The following SLC24A2 variants were observed in gnomAD, a reference collection of about 807,000 sequenced individuals.
SLC24A2 encodes solute carrier family 24 member 2.
Under a neutral mutation model 62.0 loss-of-function variants are expected in SLC24A2, and 36 were observed. That is an observed-to-expected ratio of 0.58 (90% CI 0.44 to 0.77). The LOEUF is 0.77. SLC24A2 is among the 30% of genes least tolerant of loss of function. SLC24A2 has a pLI of 0.00. For synonymous variants in SLC24A2, 358 were observed against 294.0 expected (o/e 1.22, Z -2.23); for missense variants, 846 against 817.9 (o/e 1.03, Z -0.42).
the SLC24A2 span, among the ~76,000 whole-genome samples, chr9:20,267,999 G>A: frequency 2.1e-3 from 321 of 152,148 alleles, 1 homozygote; most frequent in Middle Eastern, 3.4e-3. Flanking sequence ...TTCCTCCACC[G>A]TGATGTTTCA....
At chr9:20,114,800 C>G in the SLC24A2 span, among the ~76,000 whole-genome samples, 1 of 152,098 alleles carries the variant, frequency 6.6e-6, no homozygotes, top group Middle Eastern at 3.2e-3. Flanking sequence ...TCCAAAACAC[C>G]CTCTGGCCAG....
the SLC24A2 span, among the ~76,000 whole-genome samples, chr9:20,081,306 T>C: frequency 6.6e-6 from 1 of 151,816 alleles, no homozygotes; most frequent in Admixed American, 6.6e-5. Context: ...CCATAAAAAA[T>C]GATGAGTTCA....
the SLC24A2 span, among the ~76,000 whole-genome samples, chr9:20,066,076 A>T: frequency 3.9e-5 from 6 of 152,316 alleles, no homozygotes; most frequent in East Asian, 9.6e-4. Flanking sequence ...GTAAGATCTT[A>T]GGGAAGAAAC....
chr9:20,102,290 C>T, the SLC24A2 span, among the ~76,000 whole-genome samples: 1 of 151,704 alleles, frequency 6.6e-6, no homozygotes, highest in Non-Finnish European at 1.5e-5. Flanking sequence ...CACATATACA[C>T]CACAGAATAC....
Position 19,789,000 on chromosome 9 carries a change from G to A in SLC24A2, c.-269C>T. 2.1e-6 allele frequency: 2 copies of A among 951,420 alleles called. No individual in the cohort carries two copies. The highest frequency in any genetic ancestry group is 2.5e-6 in the Non-Finnish European group (2 of 798,888). The allele number at this position is 951,420 out of a possible 1,614,324, so 58.9% of individuals were successfully genotyped here. A position where few individuals can be genotyped will look rare whatever the true frequency, so the allele number is the denominator to read the frequency against. ...GCCCGGGCTCTGGCTCGCACTGGCT[G>A]CCGCTCTCGCCAGCCGGGCTGGGTT... On this transcript the variant is annotated 5_prime_UTR_variant, in exon 1 of 11. Coordinates refer to ENST00000341998, the MANE Select transcript of SLC24A2 (RefSeq NM_020344.4).
the SLC24A2 span, among the ~76,000 whole-genome samples, chr9:19,850,963 ATATG>A: frequency 6.1e-4 from 14 of 23,000 alleles, no homozygotes; most frequent in African/African-American, 1.7e-3. Flanking sequence ...ATATATATAT[ATATG>A]TATATATATA....
the SLC24A2 span, chr9:19,957,375 C>G: frequency 6.6e-6 from 1 of 152,344 alleles, no homozygotes; most frequent in African/African-American, 2.4e-5. Flanking sequence ...GCTCTAGAAT[C>G]CAGCAGGTTC....
the SLC24A2 span, among the ~76,000 whole-genome samples, chr9:20,237,122 G>T: frequency 6.6e-6 from 1 of 152,162 alleles, no homozygotes; most frequent in Non-Finnish European, 1.5e-5. Context: ...GTTACTCCTT[G>T]GCTATCTTCT....
At chr9:20,024,661 A>C in the SLC24A2 span, among the ~76,000 whole-genome samples, 1 of 152,224 alleles carries the variant, frequency 6.6e-6, no homozygotes, top group Non-Finnish European at 1.5e-5. Context: ...AGAGTATGAA[A>C]ATACGTGTGT....
At chr9:19,566,517 C>G (rs368883369) in intron 7 of SLC24A2, among the ~76,000 whole-genome samples, 10 of 151,580 alleles carry the variant, frequency 6.6e-5, no homozygotes, top group African/African-American at 1.9e-4. Flanking sequence ...GTTGGTGGGA[C>G]TGTAAACTAG....
At chr9:19,573,505 CACACACACACACACACACACACACAG>C (rs751752949) in intron 6 of SLC24A2, 36 bp from the exon 7 acceptor site, 3,457 of 29,936 alleles carry the variant, frequency 0.12, 27 homozygotes, top group East Asian at 0.17. Flanking sequence ...CACACACACA[CACACACACACACACACACACACACAG>C]AGAGAGAGAG....
At chr9:20,027,900 A>G in the SLC24A2 span, among the ~76,000 whole-genome samples, 1 of 152,154 alleles carries the variant, frequency 6.6e-6, no homozygotes, top group Non-Finnish European at 1.5e-5. Context: ...TGATAAAAAC[A>G]TACAATGTCA....
chr9:19,586,733 A>G (rs1252720316), intron 5 of SLC24A2, among the ~76,000 whole-genome samples: 1 of 152,154 alleles, frequency 6.6e-6, no homozygotes, highest in Admixed American at 6.6e-5. Flanking sequence ...CGTTTCTGAC[A>G]GTGCTTGAGA....
chr9:20,229,523 A>G, the SLC24A2 span, among the ~76,000 whole-genome samples: 1 of 152,154 alleles, frequency 6.6e-6, no homozygotes, highest in Non-Finnish European at 1.5e-5. Flanking sequence ...TTTATACAAC[A>G]GAGTGACAAT....
At chr9:20,266,853 G>C in the SLC24A2 span, among the ~76,000 whole-genome samples, 1 of 152,026 alleles carries the variant, frequency 6.6e-6, no homozygotes, top group Non-Finnish European at 1.5e-5. Context: ...TGAGGCAGGA[G>C]GATCACTTGA....
chr9:20,159,133 G>A, the SLC24A2 span, among the ~76,000 whole-genome samples: 1 of 151,596 alleles, frequency 6.6e-6, no homozygotes, highest in Non-Finnish European at 1.5e-5. Context: ...TTTATACCAA[G>A]GCAAGCTTCG....
the SLC24A2 span, among the ~76,000 whole-genome samples, chr9:20,165,571 C>T: frequency 5.0e-4 from 76 of 151,872 alleles, no homozygotes; most frequent in African/African-American, 1.8e-3. Context: ...GGTGTTAAGA[C>T]ATTTGGGTAG....
At chr9:19,661,349 C>G (rs2118241396) in intron 2 of SLC24A2, among the ~76,000 whole-genome samples, 1 of 152,166 alleles carries the variant, frequency 6.6e-6, no homozygotes, top group South Asian at 2.1e-4. Context: ...GAGTATGAAT[C>G]CCTAAATATC....
chr9:20,155,511 A>C, the SLC24A2 span, among the ~76,000 whole-genome samples: 1 of 151,828 alleles, frequency 6.6e-6, no homozygotes, highest in Admixed American at 6.6e-5. Context: ...AACTAAAGGA[A>C]TTATAACAAC....
Sources: allele counts gnomAD v4.1 joint callset (sites outside exome capture counted in the v4.1 genomes callset), GRCh38; gene constraint gnomAD v4.1.1; transcripts MANE v1.5; gene names NCBI Gene and HGNC (gene_info 2026-07-23, HGNC 2026-07-21).